The following UBTD1 variants were observed in gnomAD, a reference collection of about 807,000 sequenced individuals.
UBTD1 encodes ubiquitin domain-containing protein 1.
A neutral mutation model predicts 21.7 loss-of-function variants in UBTD1; 19 were observed. The observed-to-expected ratio is 0.87, with a 90% CI of 0.61 to 1.28. The LOEUF is 1.28. UBTD1 is among the 50% of genes most tolerant of loss of function. The pLI, the probability that UBTD1 is intolerant of heterozygous loss-of-function variation, is 0.00. For missense variants in UBTD1, 282 were observed against 315.1 expected (o/e 0.89, Z 0.80); for synonymous variants, 116 against 135.1 (o/e 0.86, Z 0.98).
chr10:97,570,325 G>T lies in UBTD1; in HGVS notation c.486G>T (p.Arg162Ser), dbSNP rs748382068. The T allele has an allele frequency of 9.3e-6, 15 of 1,613,144 alleles. No individual in the cohort carries two copies. In the South Asian group the frequency reaches 1.6e-4, roughly 18 times the overall value. The change falls in exon 3 of 3, where the codon AGG becomes AGT. Residue 162 changes from arginine (R) to serine (S), a missense_variant. By Grantham distance (110) the Arg-to-Ser change is moderately radical (BLOSUM62 -1). Coordinates refer to ENST00000370664, the MANE Select transcript of UBTD1 (RefSeq NM_024954.5). The surrounding 1 kb of genome is among the most constrained non-coding windows in gnomAD (Gnocchi z 6.6). Reference protein sequence around the residue: ...KVRLSTGKDVRLSASLPDTVG... With the variant: ...KVRLSTGKDVSLSASLPDTVG... ...GCCTGTCCACGGGCAAGGACGTGAGGCTCAGCGCCAGCCTGCCCGACACAG... is the reference window on the plus strand; with the variant it reads ...GCCTGTCCACGGGCAAGGACGTGAGTCTCAGCGCCAGCCTGCCCGACACAG...
chr10:97,512,321 C>T (rs928880529), intron 1 of UBTD1, among the ~76,000 whole-genome samples: 1 of 152,112 alleles, frequency 6.6e-6, no homozygotes, highest in Non-Finnish European at 1.5e-5. Context: ...TGTTTACACC[C>T]CAGGCTGACT....
intron 1 of UBTD1, among the ~76,000 whole-genome samples, chr10:97,530,008 G>C (rs1172433325): frequency 6.6e-6 from 1 of 152,094 alleles, no homozygotes; most frequent in Non-Finnish European, 1.5e-5. Flanking sequence ...TCCGCAGAGG[G>C]GGTGAGACCA....
At chr10:97,506,461 T>C (rs2040400122) in intron 1 of UBTD1, among the ~76,000 whole-genome samples, 2 of 152,320 alleles carry the variant, frequency 1.3e-5, no homozygotes, top group South Asian at 4.1e-4. Flanking sequence ...TTCTCTTTTT[T>C]TTCTTTCCTT....
rs539439754 is a variant in UBTD1 at position 97,524,963 on chromosome 10, TG to T, written c.70+25693del. ...CAAGCAAGGCTGAGAAATGTCTGCC[TG>T]GGCTGTTGTGTGGCCATGAAGAAGG... is the stretch of plus-strand genomic sequence containing the variant. On this transcript the variant is annotated intron_variant, in intron 1 of 2. Transcript: ENST00000370664. Among the ~76,000 whole-genome samples, 44 of 152,316 alleles carry T rather than the reference TG, an allele frequency of 2.9e-4. No homozygotes were observed. The South Asian group carries it at 5.2e-3, about 18-fold the overall frequency.
intron 1 of UBTD1, among the ~76,000 whole-genome samples, chr10:97,521,463 G>A (rs2040466709): frequency 6.6e-6 from 1 of 152,236 alleles, no homozygotes; most frequent in Non-Finnish European, 1.5e-5. Context: ...TCCAGGGGTG[G>A]TGAGGGTCAC....
intron 1 of UBTD1, among the ~76,000 whole-genome samples, chr10:97,547,099 C>T (rs1008977654): frequency 4.6e-5 from 7 of 152,192 alleles, no homozygotes; most frequent in African/African-American, 1.7e-4. Flanking sequence ...TGGAGTGGTG[C>T]ATGTCTGAGC....
intron 1 of UBTD1, among the ~76,000 whole-genome samples, chr10:97,548,955 G>C (rs1450535715): frequency 6.6e-6 from 1 of 152,178 alleles, no homozygotes; most frequent in African/African-American, 2.4e-5. Flanking sequence ...GGGCCCCCAG[G>C]CTGGACTCAC....
intron 1 of UBTD1, among the ~76,000 whole-genome samples, chr10:97,515,911 A>G (rs2040442248): frequency 6.6e-6 from 1 of 152,202 alleles, no homozygotes; most frequent in African/African-American, 2.4e-5. Context: ...GGCAGCTCCA[A>G]ACAGGGGAAC....
chr10:97,526,206 G>A (rs1328546370), intron 1 of UBTD1, among the ~76,000 whole-genome samples: 2 of 152,230 alleles, frequency 1.3e-5, no homozygotes, highest in East Asian at 3.8e-4. Flanking sequence ...GCACTCTTGT[G>A]CACTGCTGGT....
At chr10:97,521,750 A>C (rs1229281412) in intron 1 of UBTD1, among the ~76,000 whole-genome samples, 1 of 152,208 alleles carries the variant, frequency 6.6e-6, no homozygotes, top group Non-Finnish European at 1.5e-5. Context: ...GCTGGGCAGC[A>C]GTGTGTGCCT....
At chr10:97,524,597 G>C (rs1049280030) in intron 1 of UBTD1, among the ~76,000 whole-genome samples, 2 of 152,186 alleles carry the variant, frequency 1.3e-5, no homozygotes, top group Non-Finnish European at 2.9e-5. Flanking sequence ...GCATTTCTTT[G>C]TGGAAAGCTG....
intron 2 of UBTD1, among the ~76,000 whole-genome samples, chr10:97,569,091 G>C (rs1180889139): frequency 6.6e-6 from 1 of 152,230 alleles, no homozygotes; most frequent in Non-Finnish European, 1.5e-5. Context: ...CCGAAGTGCT[G>C]GGATTACAGG....
At chr10:97,561,252 C>T (rs2040691391) in intron 1 of UBTD1, among the ~76,000 whole-genome samples, 3 of 152,084 alleles carry the variant, frequency 2.0e-5, no homozygotes. Context: ...CTCCACAGGG[C>T]AGGTCTAAGC....
intron 2 of UBTD1, among the ~76,000 whole-genome samples, 200 bp from the exon 3 acceptor site, chr10:97,569,938 T>A (rs1217405821): frequency 6.6e-6 from 1 of 151,460 alleles, no homozygotes; most frequent in Non-Finnish European, 1.5e-5. Context: ...AAAAGGACCA[T>A]TTTTCCCATC....
chr10:97,518,875 A>G (rs971301558), intron 1 of UBTD1, among the ~76,000 whole-genome samples: 16 of 152,190 alleles, frequency 1.1e-4, no homozygotes, highest in African/African-American at 3.6e-4. Context: ...GTAGTACCAA[A>G]CCTTTTCCAT....
chr10:97,537,249 C>T (rs893408346), intron 1 of UBTD1, among the ~76,000 whole-genome samples: 1 of 152,278 alleles, frequency 6.6e-6, no homozygotes, highest in East Asian at 1.9e-4. Flanking sequence ...GGCCTGAGCA[C>T]CCTGGTAATC....
At chr10:97,535,262 C>A (rs2040554590) in intron 1 of UBTD1, among the ~76,000 whole-genome samples, 1 of 152,194 alleles carries the variant, frequency 6.6e-6, no homozygotes, top group Non-Finnish European at 1.5e-5. Flanking sequence ...TAAGACATAT[C>A]AACAGCTAGG....
intron 1 of UBTD1, among the ~76,000 whole-genome samples, chr10:97,517,621 C>T (rs1399146775): frequency 6.6e-6 from 1 of 152,134 alleles, no homozygotes; most frequent in Non-Finnish European, 1.5e-5. Context: ...TGGCACTGCC[C>T]GGTGGCCCTC....
chr10:97,546,927 C>T (rs2040613786), intron 1 of UBTD1, among the ~76,000 whole-genome samples: 1 of 152,196 alleles, frequency 6.6e-6, no homozygotes, highest in South Asian at 2.1e-4. Context: ...CTGTCTGTCT[C>T]TGTCTCCGTC....
Sources: allele counts gnomAD v4.1 joint callset (sites outside exome capture counted in the v4.1 genomes callset), GRCh38; gene constraint gnomAD v4.1.1; non-coding constraint Gnocchi (gnomAD v3.1); transcripts MANE v1.5; gene names NCBI Gene and HGNC (gene_info 2026-07-23, HGNC 2026-07-21).